Variants in ADGRD1 observed in about 807,000 individuals in gnomAD.
ADGRD1 encodes adhesion G protein-coupled receptor D1.
Under a neutral mutation model 113.4 loss-of-function variants are expected in ADGRD1, and 77 were observed. That is an observed-to-expected ratio of 0.68 (90% CI 0.57 to 0.82). The LOEUF is 0.82. Among genes scored for constraint, ADGRD1 ranks in the 40% least tolerant of loss-of-function variants. ADGRD1 has a pLI of 0.00. For synonymous variants in ADGRD1, 474 were observed against 475.0 expected (o/e 1.00, Z 0.03); for missense variants, 1,036 against 1,139.1 (o/e 0.91, Z 1.30).
chr12:131,004,407 C>T (rs868113256), intron 11 of ADGRD1, 111 bp downstream of exon 11: 5 of 828,550 alleles, frequency 6.0e-6, no homozygotes, highest in African/African-American at 1.7e-5. Flanking sequence ...GGTGCTCCCC[C>T]GGGCCGCCTG....
At chr12:131,107,250 G>C (rs1732818) in intron 17 of ADGRD1, among the ~76,000 whole-genome samples, 1 of 116,604 alleles carries the variant, frequency 8.6e-6, no homozygotes, top group African/African-American at 3.3e-5. Flanking sequence ...TGAATCCCAG[G>C]GAAGGGCTCT....
chr12:130,980,893 CA>C (rs1872899914), intron 4 of ADGRD1: 1 of 152,222 alleles, frequency 6.6e-6, no homozygotes, highest in South Asian at 2.1e-4. Flanking sequence ...GTGGCGGAGG[CA>C]ACATGAACTA....
intron 13 of ADGRD1, among the ~76,000 whole-genome samples, chr12:131,072,408 C>A (rs1885257585): frequency 6.6e-6 from 1 of 152,222 alleles, no homozygotes; most frequent in Non-Finnish European, 1.5e-5. Context: ...CGGTGGGTCT[C>A]TCTGACCCTG....
chr12:130,963,349 AAAATTC>A (rs1242469228), intron 2 of ADGRD1, among the ~76,000 whole-genome samples: 35 of 149,700 alleles, frequency 2.3e-4, no homozygotes, highest in African/African-American at 8.1e-4. Flanking sequence ...AAAAGAAAGA[AAAATTC>A]AAATTCAAAT....
chr12:131,047,832 C>T (rs893185298), intron 13 of ADGRD1, among the ~76,000 whole-genome samples: 42 of 152,198 alleles, frequency 2.8e-4, no homozygotes, highest in African/African-American at 9.9e-4. Context: ...GAATGACAGC[C>T]CTGCTGATGG....
chr12:131,138,429 A>T (rs1286372254), intron 24 of ADGRD1, among the ~76,000 whole-genome samples, 200 bp downstream of exon 24: 2 of 152,158 alleles, frequency 1.3e-5, no homozygotes, highest in African/African-American at 4.8e-5. Context: ...AAGTCACCAC[A>T]GCCCTACCCC....
At chr12:131,098,604 G>A (rs574360526) in intron 15 of ADGRD1, among the ~76,000 whole-genome samples, 1 of 152,238 alleles carries the variant, frequency 6.6e-6, no homozygotes, top group East Asian at 1.9e-4. Context: ...AGGACTCGGA[G>A]GTGGGTGCTC....
Position 131,003,082 on chromosome 12 carries a change from G to A in ADGRD1, c.1027-103G>A, listed in dbSNP as rs1876593659. The A allele has an allele frequency of 1.1e-6, 1 of 913,554 alleles. No individual in the cohort carries two copies. Among genetic ancestry groups the A allele is most frequent in the South Asian group, 1.4e-5 (1 of 71,848 alleles). 56.6% of individuals were successfully genotyped at this position (913,554 alleles called of 1,614,324 possible). On this transcript the variant is annotated intron_variant, in intron 9 of 24. Transcript: ENST00000261654. This position sits in a 1 kb window ranked among gnomAD's most constrained non-coding sequence, Gnocchi z 4.8. ...GTTGTGTGACTTCTTCCTCCCTCGTGGCCAACGTGGGGAAACTTGATTTTG... is the reference window on the plus strand; with the variant it reads ...GTTGTGTGACTTCTTCCTCCCTCGTAGCCAACGTGGGGAAACTTGATTTTG...
At chr12:130,983,602 C>T (rs532255277) in intron 5 of ADGRD1, among the ~76,000 whole-genome samples, 1 of 152,310 alleles carries the variant, frequency 6.6e-6, no homozygotes, top group Non-Finnish European at 1.5e-5. Context: ...GAATTAGAAA[C>T]ACTTCTGGCT....
Position 130,956,111 on chromosome 12 carries a change from A to G in ADGRD1, c.103+1451A>G, listed in dbSNP as rs1195754. 7.8e-3 allele frequency among the ~76,000 whole-genome samples: 1,188 copies of G among 152,308 alleles called. 10 individuals are homozygous for G. The highest frequency in any genetic ancestry group is 0.027 in the African/African-American group (1,135 of 41,586). ...GCTGGGAACCAGCCTTTAATGATCA[A>G]CCACAAATGGACTCAGGCCAGCACT... On this transcript the variant is annotated intron_variant, in intron 2 of 24. Coordinates refer to ENST00000261654, the MANE Select transcript of ADGRD1 (RefSeq NM_198827.5).
In ADGRD1 at chr12:130,996,011, T is replaced by C. The variant is rs542089199; in HGVS notation, c.966+3619T>C. Among the ~76,000 whole-genome samples, 18 of 152,186 alleles carry C rather than the reference T, an allele frequency of 1.2e-4. No homozygotes were observed. The South Asian group carries it at 3.7e-3, about 32-fold the overall frequency. On this transcript the variant is annotated intron_variant, in intron 8 of 24. Transcript: ENST00000261654. ...AGCATGCTGCCTTCAAGCATCTGTT[T>C]AACAAAGCACATCTTGCACCGCCCT...
chr12:130,958,290 C>G (rs1969482), intron 2 of ADGRD1, among the ~76,000 whole-genome samples: 62,822 of 150,522 alleles, frequency 0.42, 13,251 homozygotes, highest in Middle Eastern at 0.58. Context: ...ACCTCTGCCC[C>G]CTGGGTTCTA....
At chr12:131,012,900 G>A (rs887439039) in intron 12 of ADGRD1, among the ~76,000 whole-genome samples, 3 of 152,280 alleles carry the variant, frequency 2.0e-5, no homozygotes, top group Middle Eastern at 3.4e-3. Flanking sequence ...GGGTGACCGC[G>A]GGGGGCCCGG....
At chr12:131,094,772 G>A (rs1887160310) in intron 15 of ADGRD1, among the ~76,000 whole-genome samples, 1 of 152,210 alleles carries the variant, frequency 6.6e-6, no homozygotes, top group Non-Finnish European at 1.5e-5. Flanking sequence ...TTCTGCATGG[G>A]CTCCTTACCA....
intron 4 of ADGRD1, among the ~76,000 whole-genome samples, chr12:130,979,654 C>T (rs1197739070): frequency 6.6e-6 from 1 of 152,180 alleles, no homozygotes; most frequent in African/African-American, 2.4e-5. Context: ...CCCCTGCACC[C>T]ACCGTCCCAT....
chr12:131,004,503 A>G lies in ADGRD1; in HGVS notation c.1255+207A>G, dbSNP rs377325097. 3.3e-5 allele frequency among the ~76,000 whole-genome samples: 5 copies of G among 151,856 alleles called. 1 individual carries two copies. Among genetic ancestry groups the G allele is most frequent in the Non-Finnish European group, 2.9e-5 (2 of 67,986 alleles). ...CAAAGCGTGTCCTCAGGCCACCCTCATGGACACGCTTGAGAGGTTCCTTAG... is the reference window on the plus strand; with the variant it reads ...CAAAGCGTGTCCTCAGGCCACCCTCGTGGACACGCTTGAGAGGTTCCTTAG... On this transcript the variant is annotated intron_variant, in intron 11 of 24. Coordinates refer to ENST00000261654, the MANE Select transcript of ADGRD1 (RefSeq NM_198827.5).
In ADGRD1 at chr12:131,096,970, C is replaced by T. The variant is rs143794545; in HGVS notation, c.1672-7861C>T. Among the ~76,000 whole-genome samples the T allele has an allele frequency of 4.6e-5, 7 of 152,296 alleles. No individual in the cohort carries two copies. In the East Asian group the frequency reaches 1.2e-3, roughly 25 times the overall value. ...CAGCAGCTCTTCTCTCGCCCCTACA[C>T]GTGGCTTTTTGGGCAGTGGCCACGC... On this transcript the variant is annotated intron_variant, in intron 15 of 24. Transcript: ENST00000261654. This position sits in a 1 kb window ranked among gnomAD's most constrained non-coding sequence, Gnocchi z 5.2.
intron 12 of ADGRD1, among the ~76,000 whole-genome samples, chr12:131,007,000 C>T (rs1277685068): frequency 3.3e-5 from 5 of 152,222 alleles, no homozygotes; most frequent in Non-Finnish European, 7.3e-5. Flanking sequence ...TCCTTGGCCC[C>T]TCCTGCTGAA....
Position 131,139,170 on chromosome 12 carries a change from G to T in ADGRD1, c.2532G>T (p.Met844Ile), listed in dbSNP as rs1419331672. 1.1e-5 allele frequency: 17 copies of T among 1,612,472 alleles called. No homozygotes were observed. The Admixed American group carries it at 2.0e-4, about 19-fold the overall frequency. Reference sequence around the variant, plus strand: ...GCTCATCCCTTTATGCTTTGCAGATGAATGGGACCCGGCCAGGCATGGCCT... The same window carrying T: ...GCTCATCCCTTTATGCTTTGCAGATTAATGGGACCCGGCCAGGCATGGCCT... ...SNAKPFHSDL[M>I]NGTRPGMAST... The change falls in exon 25 of 25, where the codon ATG (methionine) becomes ATT (isoleucine). Residue 844 changes from methionine (M) to isoleucine (I), a missense_variant and splice_region_variant. Transcript: ENST00000261654.
Sources: allele counts gnomAD v4.1 joint callset (sites outside exome capture counted in the v4.1 genomes callset), GRCh38; gene constraint gnomAD v4.1.1; non-coding constraint Gnocchi (gnomAD v3.1); transcripts MANE v1.5; gene names NCBI Gene and HGNC (gene_info 2026-07-23, HGNC 2026-07-21).